PCDHA10: variants seen among roughly 807,000 people sequenced by gnomAD.
The protein encoded by PCDHA10 is protocadherin alpha 10, also known as protocadherin alpha-10.
PCDHA10 carries 45 observed loss-of-function variants against 61.2 expected under a neutral mutation model. That is an observed-to-expected ratio of 0.74 (90% CI 0.58 to 0.94). The LOEUF is 0.94. PCDHA10 is among the 40% of genes least tolerant of loss of function. The pLI is 0.00. For synonymous variants in PCDHA10, 602 were observed against 548.8 expected (o/e 1.10, Z -1.35); for missense variants, 1,278 against 1,236.2 (o/e 1.03, Z -0.51).
intron 1 of PCDHA10, among the ~76,000 whole-genome samples, chr5:140,944,007 C>T (rs1181625750): frequency 1.3e-5 from 2 of 152,046 alleles, no homozygotes; most frequent in Non-Finnish European, 2.9e-5. Flanking sequence ...TGAGTACCCC[C>T]CAAAAGCAAT....
In PCDHA10 at chr5:140,869,658, T is replaced by C. The variant is rs370211026; in HGVS notation, c.2388+11222T>C. 1.2e-5 allele frequency: 19 copies of C among 1,613,432 alleles called. No homozygotes were observed. The African/African-American group carries it at 2.1e-4, about 18-fold the overall frequency. ...ATTTTTCTTTAGATTCACCAACAAATGGTAAGCAGATTAAAAGACTGTCAC... is the reference window on the plus strand; with the variant it reads ...ATTTTTCTTTAGATTCACCAACAAACGGTAAGCAGATTAAAAGACTGTCAC... On this transcript the variant is annotated intron_variant, in intron 1 of 3. Coordinates refer to ENST00000307360, the MANE Select transcript of PCDHA10 (RefSeq NM_018901.4).
intron 1 of PCDHA10, chr5:140,969,580 AT>A: frequency 2.2e-6 from 2 of 914,646 alleles, no homozygotes; most frequent in Non-Finnish European, 3.2e-6. Flanking sequence ...AGAAGTGAGG[AT>A]TAGTCTTAAT....
chr5:140,958,053 G>A (rs2095406506), intron 1 of PCDHA10, among the ~76,000 whole-genome samples: 1 of 152,030 alleles, frequency 6.6e-6, no homozygotes. Context: ...ATAGAAAAAA[G>A]AGAGAAAAAA....
intron 3 of PCDHA10, among the ~76,000 whole-genome samples, chr5:141,005,648 G>A (rs1354125322): frequency 7.4e-6 from 1 of 135,988 alleles, no homozygotes; most frequent in Non-Finnish European, 1.5e-5. Flanking sequence ...CTTGCAGTGA[G>A]TCGAGATCGC....
chr5:140,891,920 C>G (rs1396526194), intron 1 of PCDHA10, among the ~76,000 whole-genome samples: 10 of 152,206 alleles, frequency 6.6e-5, no homozygotes, highest in Non-Finnish European at 8.8e-5. Flanking sequence ...GATGCTGGTG[C>G]CTTGATCTTG....
chr5:140,978,849 T>C, intron 1 of PCDHA10, 100 bp from the exon 2 acceptor site: 7 of 1,577,036 alleles, frequency 4.4e-6, no homozygotes, highest in Non-Finnish European at 5.2e-6. Flanking sequence ...CTTTTTTAGA[T>C]GCCTGGAAAT....
At chr5:140,967,591 G>A (rs1554229706) in intron 1 of PCDHA10, 1 of 1,614,154 alleles carries the variant, frequency 6.2e-7, no homozygotes, top group East Asian at 2.2e-5. Flanking sequence ...CAGGCACATT[G>A]GTGGTGAAGC....
chr5:140,999,480 A>G, intron 3 of PCDHA10, among the ~76,000 whole-genome samples: 1 of 152,176 alleles, frequency 6.6e-6, no homozygotes, highest in East Asian at 1.9e-4. Flanking sequence ...ATTCCAACTC[A>G]AGTCTATGTT....
At chr5:140,935,598 G>A (rs540310470) in intron 1 of PCDHA10, among the ~76,000 whole-genome samples, 5 of 152,148 alleles carry the variant, frequency 3.3e-5, no homozygotes, top group Admixed American at 6.5e-5. Context: ...TAGATACAGA[G>A]CTAGGCTTTT....
At chr5:141,000,944 T>C (rs2097977292) in intron 3 of PCDHA10, among the ~76,000 whole-genome samples, 1 of 152,196 alleles carries the variant, frequency 6.6e-6, no homozygotes, top group Non-Finnish European at 1.5e-5. Flanking sequence ...GGACAAATTA[T>C]CTTGCTGTAA....
chr5:140,914,229 TA>T (rs1253173765), intron 1 of PCDHA10, among the ~76,000 whole-genome samples: 3 of 152,224 alleles, frequency 2.0e-5, no homozygotes, highest in Non-Finnish European at 4.4e-5. Flanking sequence ...GCTCTAATAC[TA>T]TTTGCTTTTT....
intron 3 of PCDHA10, among the ~76,000 whole-genome samples, chr5:140,999,234 G>T (rs1327126129): frequency 1.3e-5 from 2 of 152,232 alleles, no homozygotes; most frequent in African/African-American, 4.8e-5. Context: ...AGAATAGGTG[G>T]TTAAAGTGGG....
At chr5:140,968,288 C>G in intron 1 of PCDHA10, 2 of 1,613,976 alleles carry the variant, frequency 1.2e-6, no homozygotes, top group South Asian at 2.2e-5. Flanking sequence ...GACCTACTCC[C>G]TTCTGGAGAG....
intron 1 of PCDHA10, chr5:140,865,753 A>T (rs894037976): frequency 2.6e-5 from 4 of 152,218 alleles, no homozygotes; most frequent in Admixed American, 1.3e-4. Flanking sequence ...CAGTGCCAGT[A>T]CATGGTGGAG....
At chr5:140,982,658 C>G (rs530615346) in intron 3 of PCDHA10, 95 bp downstream of exon 3, 2 of 1,487,730 alleles carry the variant, frequency 1.3e-6, no homozygotes, top group East Asian at 4.9e-5. Context: ...GGCTCTTTTT[C>G]TTTTATATTT....
intron 1 of PCDHA10, among the ~76,000 whole-genome samples, chr5:140,894,494 T>C (rs1412845995): frequency 6.6e-6 from 1 of 151,992 alleles, no homozygotes; most frequent in Non-Finnish European, 1.5e-5. Flanking sequence ...TAGTTTTCTT[T>C]AGGCATTATC....
At chr5:140,894,652 A>G (rs578187402) in intron 1 of PCDHA10, among the ~76,000 whole-genome samples, 234 of 151,944 alleles carry the variant, frequency 1.5e-3, no homozygotes, top group African/African-American at 4.9e-3. Flanking sequence ...GAGTCTCTCT[A>G]ATTCTGATTT....
chr5:140,952,219 C>T (rs1442706652), intron 1 of PCDHA10, among the ~76,000 whole-genome samples: 24 of 152,086 alleles, frequency 1.6e-4, no homozygotes, highest in African/African-American at 4.8e-4. Flanking sequence ...CTTTTCCAGG[C>T]ACAGTGTGCA....
intron 3 of PCDHA10, among the ~76,000 whole-genome samples, chr5:141,000,351 G>GTC: frequency 1.5e-5 from 1 of 66,852 alleles, no homozygotes; most frequent in Non-Finnish European, 2.9e-5. Flanking sequence ...CTCTCTCTCT[G>GTC]TCTCTCTCTG....
Sources: allele counts gnomAD v4.1 joint callset (sites outside exome capture counted in the v4.1 genomes callset), GRCh38; gene constraint gnomAD v4.1.1; transcripts MANE v1.5; gene names NCBI Gene and HGNC (gene_info 2026-07-23, HGNC 2026-07-21).